The following SPOP variants were observed in gnomAD, a reference collection of about 807,000 sequenced individuals.
SPOP encodes the protein speckle-type POZ protein.
In SPOP, 11 loss-of-function variants were observed where a neutral mutation model predicts 45.6. The ratio of observed to expected loss-of-function variants is 0.24; its 90% CI spans 0.15 to 0.40. The LOEUF is 0.40. Among genes scored for constraint, SPOP ranks in the 10% least tolerant of loss-of-function variants. The probability of loss-of-function intolerance (pLI) is 1.00; values close to 1 mark genes in which losing one functional copy is unlikely to be tolerated. For missense variants in SPOP, 152 were observed against 465.6 expected (o/e 0.33, Z 6.20); for synonymous variants, 166 against 166.3 (o/e 1.00, Z 0.01).
chr17:49,632,450 C>G (rs1361939588), intron 1 of SPOP, among the ~76,000 whole-genome samples: 1 of 151,758 alleles, frequency 6.6e-6, no homozygotes, highest in Non-Finnish European at 1.5e-5. Context: ...CAGCAGCTGT[C>G]AGGAACCCAA....
At chr17:49,645,111 C>T (rs2072730999) in intron 1 of SPOP, among the ~76,000 whole-genome samples, 1 of 152,058 alleles carries the variant, frequency 6.6e-6, no homozygotes, top group African/African-American at 2.4e-5. Flanking sequence ...TAAATAGATA[C>T]TAATGCAGCC....
At chr17:49,666,462 C>G (rs1002752613) in intron 1 of SPOP, among the ~76,000 whole-genome samples, 3 of 150,838 alleles carry the variant, frequency 2.0e-5, no homozygotes, top group East Asian at 1.9e-4. Flanking sequence ...CACACACACA[C>G]ACACACACAC....
rs563498767 is a variant in SPOP, at chr17:49,645,750, C to G, written c.-66-22874G>C. Among the ~76,000 whole-genome samples the G allele has an allele frequency of 2.0e-5, 3 of 152,256 alleles. No individual in the cohort carries two copies. The East Asian group carries it at 5.8e-4, about 29-fold the overall frequency. On this transcript the variant is annotated intron_variant, in intron 1 of 9. Coordinates refer to ENST00000504102, the MANE Select transcript of SPOP (RefSeq NM_001007228.2). ...AATTTTAGTACCTGAAACTCAAAGA[C>G]AGATTATAAAAAGAACACTTAAGGC...
chr17:49,640,623 T>C (rs1347241452), intron 1 of SPOP, among the ~76,000 whole-genome samples: 1 of 152,178 alleles, frequency 6.6e-6, no homozygotes, highest in Non-Finnish European at 1.5e-5. Flanking sequence ...ACAAGTATTT[T>C]TTGGTTTTAC....
intron 5 of SPOP, among the ~76,000 whole-genome samples, chr17:49,615,555 T>G (rs1415196051): frequency 2.6e-5 from 4 of 152,048 alleles, no homozygotes. Flanking sequence ...CAGGTAGGAG[T>G]GCAATGGCTA....
chr17:49,607,986 G>A (rs2143163141), intron 6 of SPOP, 57 bp from the exon 7 acceptor site: 2 of 1,548,222 alleles, frequency 1.3e-6, no homozygotes, highest in Admixed American at 1.7e-5. Flanking sequence ...TCTCTTGGTT[G>A]TTGCCAGTCA....
intron 8 of SPOP, 104 bp from the exon 9 acceptor site, chr17:49,602,111 G>C (rs2071750974): frequency 1.5e-6 from 2 of 1,313,164 alleles, no homozygotes; most frequent in African/African-American, 2.9e-5. Context: ...CTAGATACTT[G>C]AATAGAACTG....
At chr17:49,644,150 G>A (rs1166409258) in intron 1 of SPOP, among the ~76,000 whole-genome samples, 1 of 152,138 alleles carries the variant, frequency 6.6e-6, no homozygotes, top group Non-Finnish European at 1.5e-5. Context: ...AGGATCACAT[G>A]AGCTCAGGAG....
At chr17:49,649,112 T>C (rs957039115) in intron 1 of SPOP, among the ~76,000 whole-genome samples, 11 of 152,170 alleles carry the variant, frequency 7.2e-5, no homozygotes, top group Non-Finnish European at 1.5e-4. Flanking sequence ...TTTCCTATAA[T>C]GTTGTTTAGG....
At chr17:49,628,409 A>T (rs2072381479) in intron 1 of SPOP, among the ~76,000 whole-genome samples, 1 of 152,184 alleles carries the variant, frequency 6.6e-6, no homozygotes, top group Admixed American at 6.5e-5. Flanking sequence ...AAAAATCTCT[A>T]ATGGAATGCT....
chr17:49,607,191 T>G, intron 8 of SPOP, 59 bp downstream of exon 8: 1 of 1,609,690 alleles, frequency 6.2e-7, no homozygotes, highest in Non-Finnish European at 8.5e-7. Flanking sequence ...ATCCTGTTCA[T>G]GAAACACAAG....
At chr17:49,605,989 C>CAAAA (rs564333269) in intron 8 of SPOP, among the ~76,000 whole-genome samples, 1 of 136,140 alleles carries the variant, frequency 7.3e-6, no homozygotes, top group African/African-American at 2.7e-5. Context: ...ACTCCCTTCT[C>CAAAA]AAAAAAAAAA....
At chr17:49,609,287 A>G (rs1400031460) in intron 6 of SPOP, among the ~76,000 whole-genome samples, 1 of 152,192 alleles carries the variant, frequency 6.6e-6, no homozygotes, top group Non-Finnish European at 1.5e-5. Flanking sequence ...ATTTCTACCG[A>G]AAGGATATCA....
intron 1 of SPOP, among the ~76,000 whole-genome samples, chr17:49,638,539 C>T (rs919344363): frequency 4.0e-5 from 6 of 151,274 alleles, no homozygotes; most frequent in African/African-American, 1.2e-4. Context: ...GAACAGAGAT[C>T]GCACCACTGC....
chr17:49,621,496 G>C (rs1398073686), intron 3 of SPOP, among the ~76,000 whole-genome samples: 1 of 152,150 alleles, frequency 6.6e-6, no homozygotes, highest in Non-Finnish European at 1.5e-5. Context: ...CAATTTAAAA[G>C]TAAAGAGATT....
Position 49,619,487 on chromosome 17 carries a change from C to T in SPOP, c.201-102G>A, listed in dbSNP as rs746857400. On this transcript the variant is annotated intron_variant, in intron 3 of 9. Coordinates refer to ENST00000504102, the MANE Select transcript of SPOP (RefSeq NM_001007228.2). This position sits in a 1 kb window ranked among gnomAD's most constrained non-coding sequence, Gnocchi z 4.9. Reference sequence around the variant, plus strand: ...GAGATGTTTAAAAAACAAATGCAGGCCCCATAGAAGAATATAATTCAGTAG... The same window carrying T: ...GAGATGTTTAAAAAACAAATGCAGGTCCCATAGAAGAATATAATTCAGTAG... The T allele has an allele frequency of 1.6e-6, 2 of 1,275,214 alleles. No homozygotes were observed. Among genetic ancestry groups the T allele is most frequent in the Non-Finnish European group, 2.1e-6 (2 of 940,300 alleles). The allele number at this position is 1,275,214 out of a possible 1,614,324, so 79.0% of individuals were successfully genotyped here. A position where few individuals can be genotyped will look rare whatever the true frequency, so the allele number is the denominator to read the frequency against.
chr17:49,626,861 CT>C (rs963332782), intron 1 of SPOP, among the ~76,000 whole-genome samples: 1 of 151,374 alleles, frequency 6.6e-6, no homozygotes, highest in Non-Finnish European at 1.5e-5. Flanking sequence ...CAGGAATTTC[CT>C]TTTTTTTGAG....
intron 1 of SPOP, among the ~76,000 whole-genome samples, chr17:49,657,664 T>C (rs1303819695): frequency 6.7e-6 from 1 of 149,164 alleles, no homozygotes; most frequent in African/African-American, 2.5e-5. Flanking sequence ...CCCAAAGTGC[T>C]GGGATTACAA....
chr17:49,654,205 G>A (rs1286649132), intron 1 of SPOP, among the ~76,000 whole-genome samples: 2 of 152,184 alleles, frequency 1.3e-5, no homozygotes, highest in Non-Finnish European at 2.9e-5. Flanking sequence ...AATTCCAGAG[G>A]TGATAAACAT....
Sources: gnomAD v4.1 joint callset for allele counts (sites outside exome capture counted in the v4.1 genomes callset) on GRCh38, gnomAD v4.1.1 for gene constraint, Gnocchi (gnomAD v3.1) non-coding constraint, MANE v1.5 for transcripts, NCBI Gene and HGNC (gene_info 2026-07-23, HGNC 2026-07-21) for gene names.